The following LHFPL6 variants were observed in gnomAD, a reference collection of about 807,000 sequenced individuals.
LHFPL6 encodes the protein LHFPL tetraspan subfamily member 6.
In LHFPL6, 9 loss-of-function variants were observed where a neutral mutation model predicts 20.6. That is an observed-to-expected ratio of 0.44 (90% CI 0.26 to 0.76). LHFPL6 has a LOEUF of 0.76. Among genes scored for constraint, LHFPL6 ranks in the 30% least tolerant of loss-of-function variants. The pLI, the probability that LHFPL6 is intolerant of heterozygous loss-of-function variation, is 0.20. For missense variants in LHFPL6, 218 were observed against 253.5 expected (o/e 0.86, Z 0.95); for synonymous variants, 105 against 98.7 (o/e 1.06, Z -0.38).
At chr13:39,372,764 A>G (rs1393661731) in intron 3 of LHFPL6, among the ~76,000 whole-genome samples, 2 of 152,242 alleles carry the variant, frequency 1.3e-5, no homozygotes, top group African/African-American at 4.8e-5. Context: ...ACATTATACT[A>G]CAACTACAAA....
At chr13:39,569,224 A>C (rs566866437) in intron 2 of LHFPL6, among the ~76,000 whole-genome samples, 1 of 151,966 alleles carries the variant, frequency 6.6e-6, no homozygotes, top group Non-Finnish European at 1.5e-5. Flanking sequence ...AAACATCAGA[A>C]TTGTTATTGG....
intron 3 of LHFPL6, among the ~76,000 whole-genome samples, chr13:39,361,950 C>A (rs972258884): frequency 6.6e-6 from 1 of 152,094 alleles, no homozygotes; most frequent in African/African-American, 2.4e-5. Context: ...GATTGATAAA[C>A]CCAGTGTGAT....
At chr13:39,594,627 A>G (rs1872714584) in intron 2 of LHFPL6, among the ~76,000 whole-genome samples, 2 of 152,218 alleles carry the variant, frequency 1.3e-5, no homozygotes, top group Non-Finnish European at 2.9e-5. Flanking sequence ...GTATATACCC[A>G]AAGGATTATA....
intron 2 of LHFPL6, among the ~76,000 whole-genome samples, chr13:39,453,882 C>A (rs191268782): frequency 6.6e-6 from 1 of 152,310 alleles, no homozygotes; most frequent in East Asian, 1.9e-4. Context: ...CTCTTCAATG[C>A]AGTTCTAGCC....
chr13:39,400,374 G>A (rs1252917190), intron 2 of LHFPL6, among the ~76,000 whole-genome samples: 1 of 152,194 alleles, frequency 6.6e-6, no homozygotes, highest in Non-Finnish European at 1.5e-5. Context: ...AGCCACATGT[G>A]GCTGGTGGCT....
intron 2 of LHFPL6, among the ~76,000 whole-genome samples, chr13:39,534,102 A>C (rs1208686298): frequency 6.6e-6 from 1 of 152,236 alleles, no homozygotes; most frequent in Non-Finnish European, 1.5e-5. Flanking sequence ...TTCAATGATG[A>C]CAAGTAAAAA....
chr13:39,554,977 G>A (rs1293161988), intron 2 of LHFPL6, among the ~76,000 whole-genome samples: 3 of 152,180 alleles, frequency 2.0e-5, no homozygotes, highest in Admixed American at 6.5e-5. Context: ...AGAAGTGGGA[G>A]GAACTCTTCA....
At chr13:39,361,816 T>A (rs1480768936) in intron 3 of LHFPL6, among the ~76,000 whole-genome samples, 3 of 152,200 alleles carry the variant, frequency 2.0e-5, no homozygotes, top group African/African-American at 7.2e-5. Flanking sequence ...AATGTTAATT[T>A]CCTAATTTGG....
chr13:39,541,358 G>A (rs1243125853), intron 2 of LHFPL6, among the ~76,000 whole-genome samples: 2 of 152,150 alleles, frequency 1.3e-5, no homozygotes. Context: ...ACTCAATTCT[G>A]CAGACATACT....
At chr13:39,444,390 G>T (rs545838931) in intron 2 of LHFPL6, among the ~76,000 whole-genome samples, 1 of 152,294 alleles carries the variant, frequency 6.6e-6, no homozygotes, top group South Asian at 2.1e-4. Context: ...GTTTGCTAAA[G>T]AGATTCATAT....
At chr13:39,499,725 A>C (rs1869228522) in intron 2 of LHFPL6, among the ~76,000 whole-genome samples, 1 of 152,240 alleles carries the variant, frequency 6.6e-6, no homozygotes, top group African/African-American at 2.4e-5. Context: ...AGGAGCTGGC[A>C]CAGAGATGGT....
chr13:39,530,174 C>T (rs1360063956), intron 2 of LHFPL6, among the ~76,000 whole-genome samples: 1 of 149,694 alleles, frequency 6.7e-6, no homozygotes, highest in Admixed American at 6.7e-5. Flanking sequence ...TCCAGCTACT[C>T]AGGAGGCTTA....
chr13:39,435,109 A>G (rs956565945), intron 2 of LHFPL6, among the ~76,000 whole-genome samples: 1 of 151,458 alleles, frequency 6.6e-6, no homozygotes, highest in African/African-American at 2.4e-5. Context: ...ACCTCAGCAC[A>G]TATCTTTTTC....
Position 39,552,819 on chromosome 13 carries a change from T to A in LHFPL6, c.385+48013A>T, listed in dbSNP as rs146356295. ...CAGTTACATATTTAGCCAGTTTTTT[T>A]AATTTAATGGGTGCCTTTTTGGAGG... On this transcript the variant is annotated intron_variant, in intron 2 of 3. Coordinates refer to ENST00000379589, the MANE Select transcript of LHFPL6 (RefSeq NM_005780.3). 8.4e-3 allele frequency among the ~76,000 whole-genome samples: 1,280 copies of A among 152,308 alleles called. 16 individuals carry two copies. Among genetic ancestry groups the A allele is most frequent in the African/African-American group, 0.028 (1,175 of 41,550 alleles).
chr13:39,387,415 T>G (rs1304161731), intron 2 of LHFPL6, among the ~76,000 whole-genome samples: 1 of 151,680 alleles, frequency 6.6e-6, no homozygotes, highest in East Asian at 1.9e-4. Context: ...GGCATGGTGG[T>G]GCACACCTGT....
At chr13:39,602,348 C>G (rs1361535025) in intron 1 of LHFPL6, among the ~76,000 whole-genome samples, 1 of 151,576 alleles carries the variant, frequency 6.6e-6, no homozygotes, top group Non-Finnish European at 1.5e-5. Flanking sequence ...TTCACCTCGC[C>G]CCTACCCGTT....
rs60151758 is a variant in LHFPL6 at position 39,360,756 on chromosome 13, CAAA to C, written c.485-16705_485-16703del. ...AGATGGGCCTCAGATTGTAAGGGGA[CAAA>C]AAAAAAAAAAAACCTTTCTGAATTA... On this transcript the variant is annotated intron_variant, in intron 3 of 3. Coordinates refer to ENST00000379589, the MANE Select transcript of LHFPL6 (RefSeq NM_005780.3). Among the ~76,000 whole-genome samples, 19 of 48,132 alleles carry C rather than the reference CAAA, an allele frequency of 3.9e-4. 4 individuals carry two copies. The highest frequency in any genetic ancestry group is 5.9e-4 in the Non-Finnish European group (13 of 22,072). 31.6% of individuals were successfully genotyped at this position (48,132 alleles called of 152,430 possible). A position where few individuals can be genotyped will look rare whatever the true frequency, so the allele number is the denominator to read the frequency against.
intron 2 of LHFPL6, among the ~76,000 whole-genome samples, chr13:39,407,465 T>A (rs1334579850): frequency 6.6e-6 from 1 of 152,196 alleles, no homozygotes; most frequent in Non-Finnish European, 1.5e-5. Context: ...TAACTATTCT[T>A]GATCCTTCCC....
intron 2 of LHFPL6, among the ~76,000 whole-genome samples, chr13:39,495,779 ATTTTTTTTTT>A (rs10558170): frequency 2.2e-5 from 2 of 89,542 alleles, no homozygotes; most frequent in African/African-American, 8.3e-5. Flanking sequence ...TAACTCAATA[ATTTTTTTTTT>A]TTTTTTTTTT....
Sources: allele counts gnomAD v4.1 joint callset (sites outside exome capture counted in the v4.1 genomes callset), GRCh38; gene constraint gnomAD v4.1.1; transcripts MANE v1.5; gene names NCBI Gene and HGNC (gene_info 2026-07-23, HGNC 2026-07-21).